The following POU3F4 variants were observed in gnomAD, a reference collection of about 807,000 sequenced individuals.
POU3F4 encodes POU class 3 homeobox 4, also known as POU domain, class 3, transcription factor 4.
In POU3F4, 2 loss-of-function variants were observed where a neutral mutation model predicts 15.2. The observed-to-expected ratio is 0.13, with a 90% CI of 0.05 to 0.42. The LOEUF (loss-of-function observed/expected upper bound fraction) is 0.42, where lower values mean the gene tolerates loss of function less well. Ranked by LOEUF, POU3F4 falls within the 10% of genes least tolerant of loss-of-function variation. The pLI is 0.99. For synonymous variants in POU3F4, 158 were observed against 133.3 expected, an observed-to-expected ratio of 1.19 and a Z score of -1.28; for missense variants, 220 against 297.0, an observed-to-expected ratio of 0.74 and a Z score of 1.91.
Position 83,509,355 on chromosome X carries a change from C to T in POU3F4, c.1031C>T (p.Pro344Leu). The stretch of plus-strand genomic sequence containing the variant: ...ATGACTCCGCCAGGGGATCAGCAGC[C>T]GCATGAGGTTTATTCGCACACCGTG... Reference protein sequence around the residue: ...KRMTPPGDQQPHEVYSHTVKT... With the variant: ...KRMTPPGDQQLHEVYSHTVKT... Residue 344 changes from proline to leucine, a missense_variant, in exon 1 of 1, where the codon CCG (proline) becomes CTG (leucine). By Grantham distance (98) the Pro-to-Leu change is moderately conservative (BLOSUM62 -3). Coordinates refer to ENST00000644024, the MANE Select transcript of POU3F4 (RefSeq NM_000307.5). 2 of 1,208,756 alleles carry T rather than the reference C, an allele frequency of 1.7e-6. No individual in the cohort carries two copies. Among genetic ancestry groups the T allele is most frequent in the Non-Finnish European group, 1.1e-6 (1 of 893,830 alleles).
chrX:83,508,498 G>A lies in POU3F4; in HGVS notation c.174G>A (p.Val58=), dbSNP rs1401333323. 1 of 1,204,286 alleles carries A rather than the reference G, an allele frequency of 8.3e-7. No homozygotes were observed. The highest frequency in any genetic ancestry group is 1.1e-6 in the Non-Finnish European group (1 of 891,997). ...GGCATCCCCTCGGGCATCACTGGGT[G>A]ACCAGTCTGAGCGACGGGGGCCCAT... ...SNGHPLGHHW[V]TSLSDGGPWS... is the part of the protein sequence containing the mutation. The change falls in exon 1 of 1, where the codon GTG becomes GTA. Residue 58 remains valine (V), a synonymous_variant. Transcript: ENST00000644024.
chrX:83,509,362 G>T lies in POU3F4; in HGVS notation c.1038G>T (p.Glu346Asp). ...CGCCAGGGGATCAGCAGCCGCATGAGGTTTATTCGCACACCGTGAAAACAG... is the reference window on the plus strand; with the variant it reads ...CGCCAGGGGATCAGCAGCCGCATGATGTTTATTCGCACACCGTGAAAACAG... ...MTPPGDQQPH[E>D]VYSHTVKTDT... The change falls in exon 1 of 1, where the codon GAG becomes GAT. Residue 346 changes from glutamate (E) to aspartate (D), a missense_variant. Glu to Asp is a conservative substitution (Grantham distance 45, BLOSUM62 2). Around this residue, in one of 5 missense-constraint regions of POU3F4, gnomAD observed 19 missense variants for 22.9 expected, o/e 0.83. Coordinates refer to ENST00000644024, the MANE Select transcript of POU3F4 (RefSeq NM_000307.5). The T allele has an allele frequency of 8.3e-7, 1 of 1,208,045 alleles. No individual in the cohort carries two copies. Among genetic ancestry groups the T allele is most frequent in the Non-Finnish European group, 1.1e-6 (1 of 893,429 alleles).
Position 83,508,339 on chromosome X carries a change from C to A in POU3F4, c.15C>A (p.Ala5=), listed in dbSNP as rs767707234. Residue 5 remains alanine (A), a synonymous_variant, in exon 1 of 1, where the codon GCC becomes GCA. Transcript: ENST00000644024. ...CCTCACCGACCATGGCCACAGCTGC[C>A]TCGAATCCCTACAGCATTCTCAGTT... MATA[A]SNPYSILSST... 1 of 1,212,194 alleles carries A rather than the reference C, an allele frequency of 8.2e-7. No individual in the cohort carries two copies. Among genetic ancestry groups the A allele is most frequent in the Admixed American group, 2.2e-5 (1 of 46,121 alleles).
rs745476784 is a variant in POU3F4 at position 83,508,434 on chromosome X, T to C, written c.110T>C (p.Leu37Pro). The change falls in exon 1 of 1, where the codon CTT (leucine) becomes CCT (proline). Residue 37 changes from leucine (L) to proline (P), a missense_variant. Physicochemically the swap from Leu to Pro is moderately conservative, Grantham distance 98 (BLOSUM62 -3). Coordinates refer to ENST00000644024, the MANE Select transcript of POU3F4 (RefSeq NM_000307.5). ...AGTCCTTTCCGCAACCCTCAGAAAC[T>C]TCTCCAAAGTGATTACTTGCAGGGA... The part of the protein sequence containing the change: ...QGSPFRNPQK[L>P]LQSDYLQGVP... 7 of 1,209,820 alleles carry C rather than the reference T, an allele frequency of 5.8e-6. No individual in the cohort carries two copies. The highest frequency in any genetic ancestry group is 1.7e-5 in the African/African-American group (1 of 57,318).
chrX:83,510,926 C>T lies in POU3F4; in HGVS notation c.*1516C>T, dbSNP rs1429994274. ...GTCCATCCGCGTACCACCTCTCCCC[C>T]CATGTATATACCGCTGTCTGTGTGT... On this transcript the variant is annotated 3_prime_UTR_variant, in exon 1 of 1. Transcript: ENST00000644024. 9.1e-6 allele frequency: 1 copy of T among 110,249 alleles called. No homozygotes were observed. The highest frequency in any genetic ancestry group is 2.9e-4 in the East Asian group (1 of 3,501). The allele number at this position is 110,249 out of a possible 1,213,427, so 9.1% of individuals were successfully genotyped here.
chrX:83,508,350 A>G lies in POU3F4; in HGVS notation c.26A>G (p.Tyr9Cys). 2 of 1,212,086 alleles carry G rather than the reference A, an allele frequency of 1.7e-6. No homozygotes were observed. Among genetic ancestry groups the G allele is most frequent in the Non-Finnish European group, 1.1e-6 (1 of 895,511 alleles). The change falls in exon 1 of 1, where the codon TAC (tyrosine) becomes TGC (cysteine). Residue 9 changes from tyrosine (Y) to cysteine (C), a missense_variant. Around this residue, in one of 5 missense-constraint regions of POU3F4, gnomAD observed 161 missense variants for 154.1 expected, o/e 1.05. Coordinates refer to ENST00000644024, the MANE Select transcript of POU3F4 (RefSeq NM_000307.5). Reference protein sequence around the residue: MATAASNPYSILSSTSLVH... With the variant: MATAASNPCSILSSTSLVH... ...ATGGCCACAGCTGCCTCGAATCCCTACAGCATTCTCAGTTCCACCTCCCTA... is the reference window on the plus strand; with the variant it reads ...ATGGCCACAGCTGCCTCGAATCCCTGCAGCATTCTCAGTTCCACCTCCCTA...
At position 83,508,392 on chromosome X, in the gene POU3F4, C is replaced by A. The variant is rs779536644; in HGVS notation, c.68C>A (p.Ala23Glu). The change falls in exon 1 of 1, where the codon GCG becomes GAG. Residue 23 changes from alanine (A) to glutamate (E), a missense_variant. This residue lies in a region of POU3F4 where 161 missense variants were observed against 154.1 expected (regional missense o/e 1.05). Coordinates refer to ENST00000644024, the MANE Select transcript of POU3F4 (RefSeq NM_000307.5). ...ACCTCCCTAGTCCATGCGGACTCTG[C>A]GGGCATGCAGCAGGGGAGTCCTTTC... is the stretch of plus-strand genomic sequence containing the variant. ...SSTSLVHADS[A>E]GMQQGSPFRN... 2.5e-6 allele frequency: 3 copies of A among 1,211,908 alleles called. No homozygotes were observed. The highest frequency in any genetic ancestry group is 1.8e-5 in the South Asian group (1 of 56,939).
In POU3F4 at chrX:83,508,763, C is replaced by T. The variant is rs747711944; in HGVS notation, c.439C>T (p.His147Tyr). Residue 147 changes from histidine (H) to tyrosine (Y), a missense_variant, in exon 1 of 1, where the codon CAC becomes TAC. By Grantham distance (83) the His-to-Tyr change is moderately conservative (BLOSUM62 2). This residue lies in a region of POU3F4 where 161 missense variants were observed against 154.1 expected (regional missense o/e 1.05). Coordinates refer to ENST00000644024, the MANE Select transcript of POU3F4 (RefSeq NM_000307.5). ...CTTCACCGTGAGCGGCATGCTGGAA[C>T]ACGGGGGACTCACCCCACCTCCAGC... ...PGFTVSGMLE[H>Y]GGLTPPPAAA... 3.3e-6 allele frequency: 4 copies of T among 1,205,818 alleles called. No homozygotes were observed. The highest frequency in any genetic ancestry group is 2.2e-5 in the Admixed American group (1 of 45,375).
chrX:83,512,020 G>T lies in POU3F4; in HGVS notation c.*2610G>T, dbSNP rs1454338601. 3 of 112,225 alleles carry T rather than the reference G, an allele frequency of 2.7e-5. No homozygotes were observed. Among genetic ancestry groups the T allele is most frequent in the Non-Finnish European group, 3.8e-5 (2 of 53,302 alleles). 9.2% of individuals were successfully genotyped at this position (112,225 alleles called of 1,213,427 possible). On this transcript the variant is annotated 3_prime_UTR_variant, in exon 1 of 1. Transcript: ENST00000644024. ...TTGGATGTCAAAAAGAAAACAATTC[G>T]CTGTAATGTTTGATGTGAAGTTTTA... is the stretch of plus-strand genomic sequence containing the variant.
rs1925870631 is a variant in POU3F4 at position 83,509,754 on chromosome X, G to A, written c.*344G>A. 7.4e-6 allele frequency: 2 copies of A among 271,384 alleles called. No individual in the cohort carries two copies. The highest frequency in any genetic ancestry group is 5.8e-5 in the African/African-American group (2 of 34,402). The allele number at this position is 271,384 out of a possible 1,213,427, so 22.4% of individuals were successfully genotyped here. On this transcript the variant is annotated 3_prime_UTR_variant, in exon 1 of 1. Transcript: ENST00000644024. ...AGAGGTTCTAACTTCTGTTGACAAA[G>A]GAAACACATACTCTCTCATTCAGGC...
At position 83,508,473 on chromosome X, in the gene POU3F4, G is replaced by C; in HGVS notation, c.149G>C (p.Gly50Ala). Residue 50 changes from glycine (G) to alanine (A), a missense_variant, in exon 1 of 1, where the codon GGG (glycine) becomes GCG (alanine). Physicochemically the swap from Gly to Ala is moderately conservative, Grantham distance 60. Transcript: ENST00000644024. The part of the protein sequence containing the change: ...SDYLQGVPSN[G>A]HPLGHHWVTS... ...TACTTGCAGGGAGTTCCCAGCAATG[G>C]GCATCCCCTCGGGCATCACTGGGTG... 8.3e-7 allele frequency: 1 copy of C among 1,208,972 alleles called. No individual in the cohort carries two copies. The highest frequency in any genetic ancestry group is 1.1e-6 in the Non-Finnish European group (1 of 894,011).
At position 83,508,481 on chromosome X, in the gene POU3F4, C is replaced by A; in HGVS notation, c.157C>A (p.Leu53Ile). ...GGGAGTTCCCAGCAATGGGCATCCC[C>A]TCGGGCATCACTGGGTGACCAGTCT... Reference protein sequence around the residue: ...LQGVPSNGHPLGHHWVTSLSD... With the variant: ...LQGVPSNGHPIGHHWVTSLSD... The change falls in exon 1 of 1, where the codon CTC (leucine) becomes ATC (isoleucine). Residue 53 changes from leucine to isoleucine, a missense_variant. Transcript: ENST00000644024. 1 of 1,208,087 alleles carries A rather than the reference C, an allele frequency of 8.3e-7. No individual in the cohort carries two copies. Among genetic ancestry groups the A allele is most frequent in the Non-Finnish European group, 1.1e-6 (1 of 893,502 alleles).
chrX:83,508,408 G>A lies in POU3F4; in HGVS notation c.84G>A (p.Gly28=), dbSNP rs375349043. The change falls in exon 1 of 1, where the codon GGG becomes GGA. Residue 28 remains glycine, a synonymous_variant. Coordinates refer to ENST00000644024, the MANE Select transcript of POU3F4 (RefSeq NM_000307.5). ...VHADSAGMQQ[G]SPFRNPQKLL... ...CGGACTCTGCGGGCATGCAGCAGGG[G>A]AGTCCTTTCCGCAACCCTCAGAAAC... 4 of 1,211,928 alleles carry A rather than the reference G, an allele frequency of 3.3e-6. No homozygotes were observed.
At position 83,509,819 on chromosome X, in the gene POU3F4, C is replaced by G. The variant is rs1298474945; in HGVS notation, c.*409C>G. On this transcript the variant is annotated 3_prime_UTR_variant, in exon 1 of 1. Transcript: ENST00000644024. Reference sequence around the variant, plus strand: ...ACACAGTTACATTAAGCAGTCCAAGCTGGGATCTCATATTCCTGGCTCCCC... The same window carrying G: ...ACACAGTTACATTAAGCAGTCCAAGGTGGGATCTCATATTCCTGGCTCCCC... The G allele has an allele frequency of 5.9e-6, 1 of 169,022 alleles. No individual in the cohort carries two copies. Among genetic ancestry groups the G allele is most frequent in the African/African-American group, 3.2e-5 (1 of 31,229 alleles). The allele number at this position is 169,022 out of a possible 1,213,427, so 13.9% of individuals were successfully genotyped here.
chrX:83,509,713 T>G lies in POU3F4; in HGVS notation c.*303T>G. 3.0e-6 allele frequency: 1 copy of G among 334,477 alleles called. No individual in the cohort carries two copies. Among genetic ancestry groups the G allele is most frequent in the Non-Finnish European group, 5.3e-6 (1 of 186,979 alleles). 27.6% of individuals were successfully genotyped at this position (334,477 alleles called of 1,213,427 possible). The stretch of plus-strand genomic sequence containing the variant: ...TGCTTTCCTTTCCTTTTTTTCCCTT[T>G]TCTTTCCTTTTCATAAGAGGTTCTA... On this transcript the variant is annotated 3_prime_UTR_variant, in exon 1 of 1. Coordinates refer to ENST00000644024, the MANE Select transcript of POU3F4 (RefSeq NM_000307.5).
chrX:83,508,858 C>T lies in POU3F4; in HGVS notation c.534C>T (p.His178=). ...CGGATCACGGCGAACTGGGCTCGCA[C>T]CATTGCCAGGATCACTCCGACGAGG... ...EPPDHGELGS[H]HCQDHSDEET... is the part of the protein sequence containing the mutation. The change falls in exon 1 of 1, where the codon CAC becomes CAT. Residue 178 remains histidine, a synonymous_variant. Coordinates refer to ENST00000644024, the MANE Select transcript of POU3F4 (RefSeq NM_000307.5). 8.3e-7 allele frequency: 1 copy of T among 1,210,770 alleles called. No homozygotes were observed. Among genetic ancestry groups the T allele is most frequent in the East Asian group, 3.0e-5 (1 of 33,802 alleles).
Position 83,508,856 on chromosome X carries a change from C to T in POU3F4, c.532C>T (p.His178Tyr). The T allele has an allele frequency of 1.7e-6, 2 of 1,210,528 alleles. No individual in the cohort carries two copies. The highest frequency in any genetic ancestry group is 2.2e-6 in the Non-Finnish European group (2 of 894,679). Residue 178 changes from histidine to tyrosine, a missense_variant, in exon 1 of 1, where the codon CAC (histidine) becomes TAC (tyrosine). Around this residue, in one of 5 missense-constraint regions of POU3F4, gnomAD observed 161 missense variants for 154.1 expected, o/e 1.05. Coordinates refer to ENST00000644024, the MANE Select transcript of POU3F4 (RefSeq NM_000307.5). Reference sequence around the variant, plus strand: ...CCCGGATCACGGCGAACTGGGCTCGCACCATTGCCAGGATCACTCCGACGA... The same window carrying T: ...CCCGGATCACGGCGAACTGGGCTCGTACCATTGCCAGGATCACTCCGACGA... ...EPPDHGELGS[H>Y]HCQDHSDEET...
rs1925920575 is a variant in POU3F4, at chrX:83,511,976, A to G, written c.*2566A>G. The G allele has an allele frequency of 8.9e-6, 1 of 112,682 alleles. No individual in the cohort carries two copies. Among genetic ancestry groups the G allele is most frequent in the Admixed American group, 9.3e-5 (1 of 10,702 alleles). 9.3% of individuals were successfully genotyped at this position (112,682 alleles called of 1,213,427 possible). On this transcript the variant is annotated 3_prime_UTR_variant, in exon 1 of 1. Transcript: ENST00000644024. Reference sequence around the variant, plus strand: ...TAAATTCTGCATTGTGTTTAAAAGGAAATTCTTTCACAGATAAGTTGGATG... The same window carrying G: ...TAAATTCTGCATTGTGTTTAAAAGGGAATTCTTTCACAGATAAGTTGGATG...
rs1377955293 is a variant in POU3F4 at position 83,508,483 on chromosome X, C to T, written c.159C>T (p.Leu53=). 1 of 1,206,334 alleles carries T rather than the reference C, an allele frequency of 8.3e-7. No individual in the cohort carries two copies. The highest frequency in any genetic ancestry group is 1.1e-6 in the Non-Finnish European group (1 of 893,133). The change falls in exon 1 of 1, where the codon CTC becomes CTT. Residue 53 remains leucine, a synonymous_variant. Coordinates refer to ENST00000644024, the MANE Select transcript of POU3F4 (RefSeq NM_000307.5). ...LQGVPSNGHP[L]GHHWVTSLSD... is the part of the protein sequence containing the mutation. ...GAGTTCCCAGCAATGGGCATCCCCT[C>T]GGGCATCACTGGGTGACCAGTCTGA...
Sources: allele counts gnomAD v4.1 joint callset, GRCh38; gene constraint gnomAD v4.1.1; regional missense constraint gnomAD v4.1.1; transcripts MANE v1.5; gene names NCBI Gene and HGNC (gene_info 2026-07-23, HGNC 2026-07-21).